The following PDE10A variants were observed in gnomAD, a reference collection of about 807,000 sequenced individuals.
PDE10A encodes the protein phosphodiesterase 10A, also known as cAMP and cAMP-inhibited cGMP 3',5'-cyclic phosphodiesterase 10A.
A neutral mutation model predicts 97.7 loss-of-function variants in PDE10A; 39 were observed. That is an observed-to-expected ratio of 0.40 (90% CI 0.31 to 0.52). The LOEUF (loss-of-function observed/expected upper bound fraction) is 0.52. PDE10A is among the 20% of genes least tolerant of loss of function. The pLI, the probability that PDE10A is intolerant of heterozygous loss-of-function variation, is 0.56. For synonymous variants in PDE10A, 371 were observed against 376.8 expected, an observed-to-expected ratio of 0.98 and a Z score of 0.18; for missense variants, 731 against 1,047.8, an observed-to-expected ratio of 0.70 and a Z score of 4.17.
At chr6:165,362,467 T>C (rs904514432) in intron 18 of PDE10A, among the ~76,000 whole-genome samples, 1 of 152,072 alleles carries the variant, frequency 6.6e-6, no homozygotes, top group African/African-American at 2.4e-5. Flanking sequence ...TAGTTGAAAA[T>C]GGACAAATTT....
At position 165,654,116 on chromosome 6, in the gene PDE10A, T is replaced by C. The variant is rs540207755; in HGVS notation, c.865+7831A>G. 1.1e-3 allele frequency among the ~76,000 whole-genome samples: 161 copies of C among 152,366 alleles called. 1 individual carries two copies. The highest frequency in any genetic ancestry group is 3.7e-3 in the South Asian group (18 of 4,828). ...ATTGTGCATACCTTTGTGTTTAGTATATTTTTTAAATGCAGAGTGTATGAA... is the reference window on the plus strand; with the variant it reads ...ATTGTGCATACCTTTGTGTTTAGTACATTTTTTAAATGCAGAGTGTATGAA... On this transcript the variant is annotated intron_variant, in intron 1 of 21. Transcript: ENST00000539869.
At chr6:165,606,144 C>A (rs193207981) in intron 1 of PDE10A, among the ~76,000 whole-genome samples, 3 of 112,536 alleles carry the variant, frequency 2.7e-5, no homozygotes, top group Admixed American at 1.0e-4. Context: ...ATTAACATTA[C>A]GAACAAGCGA....
chr6:165,600,736 G>A (rs928822994), intron 1 of PDE10A, among the ~76,000 whole-genome samples: 10 of 152,082 alleles, frequency 6.6e-5, no homozygotes, highest in African/African-American at 2.4e-4. Flanking sequence ...GTTGTATAAC[G>A]GCCTTGAGAC....
chr6:165,333,208 T>C, intron 21 of PDE10A, 81 bp from the exon 22 acceptor site: 2 of 861,524 alleles, frequency 2.3e-6, no homozygotes, highest in Non-Finnish European at 4.0e-6. Context: ...CAAACAGTCC[T>C]GTGGCACAGC....
At chr6:165,613,897 C>G (rs77141142) in intron 1 of PDE10A, among the ~76,000 whole-genome samples, 1,673 of 152,158 alleles carry the variant, frequency 0.011, 29 homozygotes, top group African/African-American at 0.038. Flanking sequence ...CAAAACTGAA[C>G]ATCTCCCTCC....
intron 1 of PDE10A, among the ~76,000 whole-genome samples, chr6:165,704,243 T>C (rs1365099415): frequency 2.0e-5 from 3 of 152,066 alleles, no homozygotes; most frequent in African/African-American, 7.2e-5. Context: ...TGGCAGCAGC[T>C]CTGGAGGGAT....
intron 1 of PDE10A, among the ~76,000 whole-genome samples, chr6:165,613,587 G>A (rs538464634): frequency 1.8e-4 from 27 of 152,212 alleles, no homozygotes; most frequent in Admixed American, 5.2e-4. Flanking sequence ...GCTGCAGTGA[G>A]CCAAGACTGC....
intron 1 of PDE10A, among the ~76,000 whole-genome samples, chr6:165,656,300 T>G (rs1789963313): frequency 7.3e-6 from 1 of 137,194 alleles, no homozygotes; most frequent in African/African-American, 2.9e-5. Flanking sequence ...ACACACACCT[T>G]TCCAATCCAG....
At chr6:165,969,574 G>A (rs1054726544) in intron 1 of PDE10A, among the ~76,000 whole-genome samples, 5 of 151,828 alleles carry the variant, frequency 3.3e-5, no homozygotes, top group Admixed American at 6.6e-5. Context: ...AAGTAATTGC[G>A]GTTTTTGCCA....
chr6:165,609,486 T>C (rs547873028), intron 1 of PDE10A, among the ~76,000 whole-genome samples: 35 of 152,216 alleles, frequency 2.3e-4, no homozygotes, highest in African/African-American at 7.7e-4. Flanking sequence ...CTATTCAACA[T>C]AGTGTTGGAA....
intron 1 of PDE10A, among the ~76,000 whole-genome samples, chr6:165,569,758 C>G (rs1297515314): frequency 2.0e-5 from 3 of 152,148 alleles, no homozygotes; most frequent in Non-Finnish European, 4.4e-5. Context: ...GTTTACTGTT[C>G]CCTGTGTAGG....
intron 2 of PDE10A, among the ~76,000 whole-genome samples, chr6:165,526,493 A>G (rs1189343821): frequency 6.6e-6 from 1 of 152,194 alleles, no homozygotes; most frequent in Non-Finnish European, 1.5e-5. Flanking sequence ...TAGCTAGAAA[A>G]ATAGTAAATC....
At chr6:165,357,877 C>T (rs1157267913) in intron 18 of PDE10A, among the ~76,000 whole-genome samples, 2 of 152,080 alleles carry the variant, frequency 1.3e-5, no homozygotes, top group Non-Finnish European at 2.9e-5. Flanking sequence ...TTACTTCCCA[C>T]AAGTTAGGCT....
chr6:165,585,638 G>A (rs973333332), intron 1 of PDE10A, among the ~76,000 whole-genome samples: 9 of 152,050 alleles, frequency 5.9e-5, no homozygotes, highest in African/African-American at 2.2e-4. Context: ...CTCTCCCTTC[G>A]AGCCTCTGGA....
At chr6:165,786,214 A>C (rs1386236679) in intron 1 of PDE10A, among the ~76,000 whole-genome samples, 1 of 152,210 alleles carries the variant, frequency 6.6e-6, no homozygotes, top group Admixed American at 6.5e-5. Context: ...CATAGAGAAA[A>C]GCCCCTGATA....
At chr6:165,541,461 G>A (rs577495712) in intron 2 of PDE10A, among the ~76,000 whole-genome samples, 2 of 152,266 alleles carry the variant, frequency 1.3e-5, no homozygotes, top group South Asian at 4.1e-4. Flanking sequence ...TGGGAGGTAG[G>A]AAATGACACA....
chr6:165,732,562 A>T (rs915159213), intron 1 of PDE10A, among the ~76,000 whole-genome samples: 1 of 152,208 alleles, frequency 6.6e-6, no homozygotes. Context: ...CCAGCTCATC[A>T]CATCCACCCT....
At chr6:165,586,152 C>A (rs981987659) in intron 1 of PDE10A, among the ~76,000 whole-genome samples, 1 of 152,162 alleles carries the variant, frequency 6.6e-6, no homozygotes, top group Non-Finnish European at 1.5e-5. Flanking sequence ...TAACAAAGGC[C>A]GAACAGAGCT....
intron 1 of PDE10A, among the ~76,000 whole-genome samples, chr6:165,838,586 G>A (rs1780130077): frequency 6.6e-6 from 1 of 152,096 alleles, no homozygotes; most frequent in Non-Finnish European, 1.5e-5. Context: ...CCCCAGCCCT[G>A]AGCAGCCACT....
Sources: gnomAD v4.1 joint callset for allele counts (sites outside exome capture counted in the v4.1 genomes callset) on GRCh38, gnomAD v4.1.1 for gene constraint, MANE v1.5 for transcripts, NCBI Gene and HGNC (gene_info 2026-07-23, HGNC 2026-07-21) for gene names.